The following MBNL2 variants were observed in gnomAD, a reference collection of about 807,000 sequenced individuals.
The protein encoded by MBNL2 is muscleblind like splicing regulator 2, also known as muscleblind-like protein 2.
In MBNL2, 17 loss-of-function variants were observed where a neutral mutation model predicts 41.9. The observed-to-expected ratio is 0.41, with a 90% CI of 0.28 to 0.61. The LOEUF is 0.61. Ranked by LOEUF, MBNL2 falls within the 20% of genes least tolerant of loss-of-function variation. MBNL2 has a pLI of 0.35. For synonymous variants in MBNL2, 195 were observed against 182.9 expected (o/e 1.07, Z -0.53); for missense variants, 336 against 505.6 (o/e 0.66, Z 3.22).
intron 8 of MBNL2, among the ~76,000 whole-genome samples, chr13:97,388,238 A>AC (rs1233408066): frequency 6.6e-6 from 1 of 151,744 alleles, no homozygotes; most frequent in Non-Finnish European, 1.5e-5. Flanking sequence ...ATATTCAGGC[A>AC]CCCCATGAAG....
chr13:97,161,512 G>A, the MBNL2 span, among the ~76,000 whole-genome samples: 3 of 152,104 alleles, frequency 2.0e-5, no homozygotes, highest in African/African-American at 7.2e-5. Context: ...ACTGCCCTTA[G>A]TGCAGTAACA....
chr13:97,236,464 A>T (rs1213301073), intron 1 of MBNL2, among the ~76,000 whole-genome samples: 1 of 149,722 alleles, frequency 6.7e-6, no homozygotes, highest in East Asian at 2.0e-4. Context: ...AGATGTACAG[A>T]TGTGTTCACT....
upstream of MBNL2, among the ~76,000 whole-genome samples, chr13:97,217,270 C>A (rs1284733994): frequency 6.6e-6 from 1 of 152,062 alleles, no homozygotes; most frequent in East Asian, 1.9e-4. Context: ...ATCCATTTAA[C>A]CATTCAACAA....
rs192364084 is a variant in MBNL2 at position 97,330,773 on chromosome 13, G to A, written c.175-3503G>A. 1.1e-4 allele frequency among the ~76,000 whole-genome samples: 16 copies of A among 152,272 alleles called. No individual in the cohort carries two copies. In the East Asian group the frequency reaches 3.1e-3, roughly 29 times the overall value. On this transcript the variant is annotated intron_variant, in intron 2 of 8. Transcript: ENST00000679496. ...AACTTCCTTACAAATTGTTCACTGT[G>A]TCAAATAGCTTGTTTTATTTTGACA... is the stretch of plus-strand genomic sequence containing the variant.
In MBNL2 at chr13:97,366,803, T is replaced by C; in HGVS notation, c.1048+1632T>C. The C allele has an allele frequency of 1.9e-6, 1 of 528,764 alleles. No homozygotes were observed. The highest frequency in any genetic ancestry group is 3.4e-6 in the Non-Finnish European group (1 of 293,846). 32.8% of individuals were successfully genotyped at this position (528,764 alleles called of 1,614,324 possible). A position where few individuals can be genotyped will look rare whatever the true frequency, so the allele number is the denominator to read the frequency against. On this transcript the variant is annotated intron_variant, in intron 8 of 8. Coordinates refer to ENST00000679496, the MANE Select transcript of MBNL2 (RefSeq NM_001382683.1). This position sits in a 1 kb window ranked among gnomAD's most constrained non-coding sequence, Gnocchi z 4.7. ...CGTACCTAATATTGTGTAATTAACC[T>C]GACAGGCTTAAATTCCTTTTAGTAC...
chr13:97,196,382 C>T, the MBNL2 span, among the ~76,000 whole-genome samples: 5 of 152,150 alleles, frequency 3.3e-5, no homozygotes, highest in Admixed American at 1.3e-4. Flanking sequence ...TTTAGCACTC[C>T]TTTGTCATTC....
intron 1 of MBNL2, among the ~76,000 whole-genome samples, chr13:97,244,577 A>G (rs1426701234): frequency 6.6e-6 from 1 of 152,230 alleles, no homozygotes; most frequent in East Asian, 1.9e-4. Context: ...TTGTTTTACA[A>G]TGTAGACCAA....
chr13:97,172,860 G>A, the MBNL2 span: 1 of 152,068 alleles, frequency 6.6e-6, no homozygotes, highest in Non-Finnish European at 1.5e-5. Context: ...CTTCTTTGGT[G>A]CTTCCTATTT....
intron 2 of MBNL2, among the ~76,000 whole-genome samples, chr13:97,316,546 C>G (rs2059072033): frequency 1.3e-5 from 2 of 152,312 alleles, no homozygotes; most frequent in South Asian, 4.1e-4. Flanking sequence ...CTCATGGAGT[C>G]CAGATTCTCC....
intron 7 of MBNL2, among the ~76,000 whole-genome samples, chr13:97,361,113 A>G (rs1030709103): frequency 6.6e-6 from 1 of 152,230 alleles, no homozygotes; most frequent in Non-Finnish European, 1.5e-5. Context: ...TGAAAACCAA[A>G]TATTATACAG....
intron 1 of MBNL2, among the ~76,000 whole-genome samples, chr13:97,252,910 G>T (rs1186497513): frequency 1.3e-5 from 2 of 152,056 alleles, no homozygotes; most frequent in East Asian, 3.9e-4. Context: ...TTGACTTTTT[G>T]AAAATTTCGA....
At chr13:97,337,838 A>C (rs1391638497) in intron 3 of MBNL2, among the ~76,000 whole-genome samples, 2 of 152,218 alleles carry the variant, frequency 1.3e-5, no homozygotes, top group Non-Finnish European at 2.9e-5. Flanking sequence ...CTCAGAAATG[A>C]ATCAGTGACC....
the MBNL2 span, among the ~76,000 whole-genome samples, chr13:97,205,410 AAAG>A: frequency 1.3e-5 from 2 of 151,862 alleles, no homozygotes; most frequent in Non-Finnish European, 2.9e-5. Flanking sequence ...AAAATAAAAA[AAAG>A]ATAATTCAGT....
At chr13:97,202,738 C>T in the MBNL2 span, among the ~76,000 whole-genome samples, 5 of 152,252 alleles carry the variant, frequency 3.3e-5, no homozygotes, top group South Asian at 2.1e-4. Flanking sequence ...AACTGTAGAA[C>T]GTAGAACGGA....
chr13:97,186,057 C>T, the MBNL2 span, among the ~76,000 whole-genome samples: 90 of 152,316 alleles, frequency 5.9e-4, no homozygotes, highest in Non-Finnish European at 8.8e-4. Context: ...TAGATGCTCT[C>T]TCTTGATAAC....
intron 2 of MBNL2, among the ~76,000 whole-genome samples, chr13:97,296,459 G>T (rs1213682721): frequency 6.6e-6 from 1 of 152,064 alleles, no homozygotes; most frequent in Non-Finnish European, 1.5e-5. Flanking sequence ...TTTATAAAAA[G>T]AATCCAGAGA....
chr13:97,153,014 T>C, the MBNL2 span, among the ~76,000 whole-genome samples: 1 of 152,102 alleles, frequency 6.6e-6, no homozygotes, highest in Non-Finnish European at 1.5e-5. Flanking sequence ...ATAGCAGACC[T>C]AATGTGTCTA....
intron 7 of MBNL2, among the ~76,000 whole-genome samples, chr13:97,360,161 T>C (rs1178324874): frequency 6.6e-6 from 1 of 152,234 alleles, no homozygotes; most frequent in African/African-American, 2.4e-5. Flanking sequence ...TTTCTATAAA[T>C]GTTTTACGTA....
At position 97,233,956 on chromosome 13, in the gene MBNL2, G is replaced by C. The variant is rs890469143; in HGVS notation, c.-605+11425G>C. 2.6e-5 allele frequency among the ~76,000 whole-genome samples: 4 copies of C among 152,296 alleles called. No individual in the cohort carries two copies. The East Asian group carries it at 7.7e-4, about 29-fold the overall frequency. The stretch of plus-strand genomic sequence containing the variant: ...CGGCCCCACCACACCACTCCTTGGA[G>C]ATCTACCCAACTGACAAAAAATACA... On this transcript the variant is annotated intron_variant, in intron 1 of 8. Coordinates refer to ENST00000679496, the MANE Select transcript of MBNL2 (RefSeq NM_001382683.1).
Sources: gnomAD v4.1 joint callset for allele counts (sites outside exome capture counted in the v4.1 genomes callset) on GRCh38, gnomAD v4.1.1 for gene constraint, Gnocchi (gnomAD v3.1) non-coding constraint, MANE v1.5 for transcripts, NCBI Gene and HGNC (gene_info 2026-07-23, HGNC 2026-07-21) for gene names.